PDZRN3: variants seen among roughly 807,000 people sequenced by gnomAD.
The protein encoded by PDZRN3 is PDZ domain containing ring finger 3, also known as E3 ubiquitin-protein ligase PDZRN3.
PDZRN3 carries 38 observed loss-of-function variants against 85.7 expected under a neutral mutation model. That is an observed-to-expected ratio of 0.44 (90% CI 0.34 to 0.58). The LOEUF is 0.58. Ranked by LOEUF, PDZRN3 falls within the 20% of genes least tolerant of loss-of-function variation. The pLI is 0.01. For missense variants in PDZRN3, 1,629 were observed against 1,506.4 expected (o/e 1.08, Z -1.35); for synonymous variants, 759 against 638.0 (o/e 1.19, Z -2.86).
rs1285542801 is a variant in PDZRN3, at chr3:73,478,851, T to G, written c.919-74456A>C. On this transcript the variant is annotated intron_variant, in intron 3 of 9. Coordinates refer to ENST00000263666, the MANE Select transcript of PDZRN3 (RefSeq NM_015009.3). ...AGTGGGGTTATAACCCACAAGAGAT[T>G]AAAATGGGGCTAAAAGAAACTACAT... 3.3e-5 allele frequency among the ~76,000 whole-genome samples: 5 copies of G among 152,346 alleles called. No homozygotes were observed. In the East Asian group the frequency reaches 9.6e-4, roughly 29 times the overall value.
intron 3 of PDZRN3, among the ~76,000 whole-genome samples, chr3:73,502,580 C>A (rs1405316422): frequency 3.9e-5 from 6 of 152,180 alleles, no homozygotes; most frequent in African/African-American, 1.2e-4. Flanking sequence ...CTTGCCTTAC[C>A]CATAAGGCTG....
chr3:73,594,214 T>C (rs1359002384), intron 3 of PDZRN3, among the ~76,000 whole-genome samples: 1 of 152,160 alleles, frequency 6.6e-6, no homozygotes, highest in Non-Finnish European at 1.5e-5. Context: ...AAGGCAACCA[T>C]GGACTAAAGG....
At chr3:73,540,929 C>A (rs1177514378) in intron 3 of PDZRN3, among the ~76,000 whole-genome samples, 1 of 152,182 alleles carries the variant, frequency 6.6e-6, no homozygotes, top group Non-Finnish European at 1.5e-5. Flanking sequence ...CATTACATTA[C>A]CCCTGAGATG....
chr3:73,392,528 T>C (rs910431676), intron 5 of PDZRN3, among the ~76,000 whole-genome samples: 3 of 152,220 alleles, frequency 2.0e-5, no homozygotes, highest in Non-Finnish European at 4.4e-5. Context: ...CACTAGTACC[T>C]GCCATCCTGC....
At chr3:73,598,765 G>A (rs1702468977) in intron 3 of PDZRN3, among the ~76,000 whole-genome samples, 1 of 152,040 alleles carries the variant, frequency 6.6e-6, no homozygotes, top group South Asian at 2.1e-4. Flanking sequence ...GGGACATCAT[G>A]TAGGCAGTCT....
At position 73,471,939 on chromosome 3, in the gene PDZRN3, T is replaced by C. The variant is rs189551029; in HGVS notation, c.919-67544A>G. On this transcript the variant is annotated intron_variant, in intron 3 of 9. Coordinates refer to ENST00000263666, the MANE Select transcript of PDZRN3 (RefSeq NM_015009.3). ...ACACAAGCGGCATTAATGTTCACAC[T>C]CACCTGAAATGCGGGTAGACAGGGA... is the stretch of plus-strand genomic sequence containing the variant. Among the ~76,000 whole-genome samples the C allele has an allele frequency of 6.6e-5, 10 of 152,336 alleles. No individual in the cohort carries two copies. The East Asian group carries it at 1.9e-3, about 29-fold the overall frequency.
At chr3:73,396,845 GC>G (rs1400116974) in intron 5 of PDZRN3, among the ~76,000 whole-genome samples, 2 of 152,300 alleles carry the variant, frequency 1.3e-5, no homozygotes, top group East Asian at 3.9e-4. Context: ...AAGATGTAGA[GC>G]AGGTGTTCAG....
At chr3:73,391,850 C>A (rs997758472) in intron 5 of PDZRN3, among the ~76,000 whole-genome samples, 5 of 152,138 alleles carry the variant, frequency 3.3e-5, no homozygotes, top group Non-Finnish European at 7.3e-5. Context: ...GCCCACTCTG[C>A]CAATGACTTG....
At chr3:73,458,327 C>T (rs1275305046) in intron 3 of PDZRN3, among the ~76,000 whole-genome samples, 1 of 151,846 alleles carries the variant, frequency 6.6e-6, no homozygotes, top group Non-Finnish European at 1.5e-5. Context: ...GATGCCAATA[C>T]CTCTCTTTCA....
At chr3:73,401,715 G>A (rs760940421) in intron 4 of PDZRN3, 3 of 152,166 alleles carry the variant, frequency 2.0e-5, no homozygotes, top group Non-Finnish European at 4.4e-5. Context: ...GACATCTTTG[G>A]AAACGTCATT....
Position 73,384,813 on chromosome 3 carries a change from C to T in PDZRN3, c.1753G>A (p.Glu585Lys). Residue 585 changes from glutamate to lysine, a missense_variant, in exon 10 of 10, where the codon GAG (glutamate) becomes AAG (lysine). Coordinates refer to ENST00000263666, the MANE Select transcript of PDZRN3 (RefSeq NM_015009.3). ...GCGTCGTCGCCATTGTTCTCTTGCT[C>T]CGAGCTCTCGTCATTACGGGTGCTC... ...DESTRNDESSEQENNGDDATA... is the reference protein window; with the variant it reads ...DESTRNDESSKQENNGDDATA... 6.2e-7 allele frequency: 1 copy of T among 1,614,124 alleles called. No homozygotes were observed. The highest frequency in any genetic ancestry group is 8.5e-7 in the Non-Finnish European group (1 of 1,180,048).
chr3:73,570,567 T>C (rs1365511475), intron 3 of PDZRN3, among the ~76,000 whole-genome samples: 1 of 152,190 alleles, frequency 6.6e-6, no homozygotes, highest in Admixed American at 6.5e-5. Flanking sequence ...CATAGAGTCC[T>C]CTAAAAGAGA....
chr3:73,403,785 A>C (rs1453082207), intron 4 of PDZRN3, among the ~76,000 whole-genome samples: 2 of 152,208 alleles, frequency 1.3e-5, no homozygotes, highest in Non-Finnish European at 2.9e-5. Context: ...GACACACACA[A>C]CTTACTTTTT....
chr3:73,578,420 T>C (rs911417957), intron 3 of PDZRN3, among the ~76,000 whole-genome samples: 28 of 152,300 alleles, frequency 1.8e-4, no homozygotes, highest in African/African-American at 4.1e-4. Flanking sequence ...TCCGCCAGCC[T>C]TGGCCTCCCA....
chr3:73,427,467 C>CTCTT (rs1490327734), intron 3 of PDZRN3, among the ~76,000 whole-genome samples: 1 of 152,110 alleles, frequency 6.6e-6, no homozygotes, highest in African/African-American at 2.4e-5. Context: ...TAACCATGAC[C>CTCTT]TCTTCCTGCA....
At chr3:73,424,405 G>A (rs1363351666) in intron 3 of PDZRN3, among the ~76,000 whole-genome samples, 1 of 144,584 alleles carries the variant, frequency 6.9e-6, no homozygotes, top group Non-Finnish European at 1.5e-5. Flanking sequence ...GCTGAGTGTA[G>A]TGGCAGGTGC....
intron 3 of PDZRN3, among the ~76,000 whole-genome samples, chr3:73,595,655 T>C (rs1425597607): frequency 1.3e-5 from 2 of 152,198 alleles, no homozygotes. Context: ...ATTTTTTAAT[T>C]CACTGATAAC....
chr3:73,577,662 A>C (rs1391712326), intron 3 of PDZRN3, among the ~76,000 whole-genome samples: 1 of 152,128 alleles, frequency 6.6e-6, no homozygotes, highest in Non-Finnish European at 1.5e-5. Flanking sequence ...ATGTCTCTTG[A>C]TAGCACTCTC....
At chr3:73,540,981 T>C (rs1173347390) in intron 3 of PDZRN3, among the ~76,000 whole-genome samples, 1 of 152,186 alleles carries the variant, frequency 6.6e-6, no homozygotes, top group African/African-American at 2.4e-5. Flanking sequence ...CTGTTACAAA[T>C]GACAAAGGGA....
Sources: gnomAD v4.1 joint callset for allele counts (sites outside exome capture counted in the v4.1 genomes callset) on GRCh38, gnomAD v4.1.1 for gene constraint, MANE v1.5 for transcripts, NCBI Gene and HGNC (gene_info 2026-07-23, HGNC 2026-07-21) for gene names.